The following CCDC91 variants were observed in gnomAD, a reference collection of about 807,000 sequenced individuals.
CCDC91 encodes coiled-coil domain containing 91, also known as coiled-coil domain-containing protein 91.
Under a neutral mutation model 63.2 loss-of-function variants are expected in CCDC91, and 48 were observed. That is an observed-to-expected ratio of 0.76 (90% CI 0.60 to 0.97). The LOEUF (loss-of-function observed/expected upper bound fraction) is 0.97. Ranked by LOEUF, CCDC91 falls within the 50% of genes least tolerant of loss-of-function variation. The pLI, the probability that CCDC91 is intolerant of heterozygous loss-of-function variation, is 0.00. For synonymous variants in CCDC91, 167 were observed against 165.8 expected, an observed-to-expected ratio of 1.01 and a Z score of -0.06; for missense variants, 500 against 494.6, an observed-to-expected ratio of 1.01 and a Z score of -0.10.
At chr12:28,360,363 C>G (rs1565854329) in intron 6 of CCDC91, among the ~76,000 whole-genome samples, 3 of 152,100 alleles carry the variant, frequency 2.0e-5, no homozygotes, top group Admixed American at 6.5e-5. Context: ...ATAGTTGCAG[C>G]TTAATTTTCT....
chr12:28,486,437 C>T (rs1473397987), intron 12 of CCDC91, among the ~76,000 whole-genome samples: 1 of 151,994 alleles, frequency 6.6e-6, no homozygotes, highest in Non-Finnish European at 1.5e-5. Flanking sequence ...AGTATATGGC[C>T]AATCTTTATT....
intron 12 of CCDC91, among the ~76,000 whole-genome samples, chr12:28,491,721 T>C (rs984238473): frequency 1.3e-5 from 2 of 151,846 alleles, no homozygotes; most frequent in African/African-American, 4.8e-5. Context: ...ATTTTCTAGA[T>C]TCTTGATATA....
chr12:28,243,258 T>C (rs923727868), intron 1 of CCDC91, among the ~76,000 whole-genome samples: 3 of 152,012 alleles, frequency 2.0e-5, no homozygotes, highest in Non-Finnish European at 4.4e-5. Context: ...AGCTGTCCCA[T>C]AGGGAAGTGG....
intron 2 of CCDC91, 149 bp downstream of exon 2, chr12:28,257,394 A>G (rs1448505859): frequency 3.5e-6 from 2 of 574,622 alleles, no homozygotes; most frequent in Non-Finnish European, 6.1e-6. Context: ...TGAAATCAAG[A>G]AAAATAAAAA....
intron 1 of CCDC91, among the ~76,000 whole-genome samples, chr12:28,224,679 G>A (rs1252096227): frequency 5.9e-5 from 9 of 152,158 alleles, no homozygotes; most frequent in Non-Finnish European, 1.0e-4. Flanking sequence ...ATGAACTTGG[G>A]TTTAAAGAGA....
intron 6 of CCDC91, among the ~76,000 whole-genome samples, chr12:28,331,873 C>T (rs2137696038): frequency 6.6e-6 from 1 of 152,124 alleles, no homozygotes; most frequent in Middle Eastern, 3.4e-3. Context: ...AGAAATGGTT[C>T]CTACTCTTAA....
chr12:28,316,586 ATTC>A (rs1250499602), intron 6 of CCDC91, among the ~76,000 whole-genome samples: 1 of 47,114 alleles, frequency 2.1e-5, no homozygotes, highest in African/African-American at 8.3e-5. Context: ...TTTTTTTGCT[ATTC>A]TTTTATTTTC....
intron 3 of CCDC91, among the ~76,000 whole-genome samples, chr12:28,291,176 T>C (rs1297043561): frequency 6.6e-6 from 1 of 152,228 alleles, no homozygotes; most frequent in Non-Finnish European, 1.5e-5. Context: ...TAAAAATCCA[T>C]GCTTCAGGAT....
intron 8 of CCDC91, 139 bp from the exon 9 acceptor site, chr12:28,450,014 TCCTGAACC>T: frequency 2.0e-6 from 1 of 501,434 alleles, no homozygotes; most frequent in Non-Finnish European, 3.6e-6. Flanking sequence ...TGTTTTTTTC[TCCTGAACC>T]TTCGTTTTAG....
Position 28,440,263 on chromosome 12 carries a change from T to G in CCDC91, c.763-9898T>G, listed in dbSNP as rs1170170241. Among the ~76,000 whole-genome samples, 7 of 152,330 alleles carry G rather than the reference T, an allele frequency of 4.6e-5. No homozygotes were observed. The East Asian group carries it at 9.6e-4, about 21-fold the overall frequency. ...GGAATAATAGTGAAGCTGTATGGCC[T>G]GTTTTGTTTCTCCCATATTGCCTCA... is the stretch of plus-strand genomic sequence containing the variant. On this transcript the variant is annotated intron_variant, in intron 8 of 12. Coordinates refer to ENST00000536442, the MANE Select transcript of CCDC91 (RefSeq NM_018318.5).
At chr12:28,415,969 G>GTTT (rs71039895) in intron 8 of CCDC91, among the ~76,000 whole-genome samples, 1 of 148,608 alleles carries the variant, frequency 6.7e-6, no homozygotes, top group South Asian at 2.1e-4. Context: ...TGAGGAATGT[G>GTTT]TTTTTTTTTT....
At chr12:28,482,112 A>G (rs1380676066) in intron 11 of CCDC91, among the ~76,000 whole-genome samples, 1 of 151,994 alleles carries the variant, frequency 6.6e-6, no homozygotes, top group Non-Finnish European at 1.5e-5. Context: ...TAATTGACTC[A>G]TATAATGTGA....
intron 1 of CCDC91, among the ~76,000 whole-genome samples, chr12:28,193,098 G>A (rs1369453518): frequency 1.3e-5 from 2 of 152,178 alleles, no homozygotes; most frequent in East Asian, 3.9e-4. Context: ...CAGCTGAGTA[G>A]TATTTCATTG....
intron 8 of CCDC91, among the ~76,000 whole-genome samples, chr12:28,431,136 A>C (rs1431257351): frequency 6.6e-6 from 1 of 152,162 alleles, no homozygotes; most frequent in East Asian, 1.9e-4. Flanking sequence ...ATTCTTTGAA[A>C]TGTGATAATG....
At chr12:28,330,954 A>T (rs1420807148) in intron 6 of CCDC91, among the ~76,000 whole-genome samples, 1 of 152,208 alleles carries the variant, frequency 6.6e-6, no homozygotes, top group Admixed American at 6.5e-5. Context: ...GATTGTCATC[A>T]CAAGTAAGGA....
At chr12:28,442,071 A>G (rs1949255056) in intron 8 of CCDC91, among the ~76,000 whole-genome samples, 1 of 152,020 alleles carries the variant, frequency 6.6e-6, no homozygotes, top group Non-Finnish European at 1.5e-5. Flanking sequence ...AGGTGTAGAG[A>G]GTTCCATTAT....
chr12:28,268,141 G>T (rs963041785), intron 3 of CCDC91, among the ~76,000 whole-genome samples: 3 of 150,584 alleles, frequency 2.0e-5, no homozygotes, highest in African/African-American at 7.4e-5. Flanking sequence ...TTGGCTCACT[G>T]CAACCTCTGC....
At chr12:28,464,948 G>T (rs566854779) in intron 11 of CCDC91, among the ~76,000 whole-genome samples, 37 of 152,284 alleles carry the variant, frequency 2.4e-4, no homozygotes, top group Admixed American at 3.9e-4. Flanking sequence ...CTGGGCCAGA[G>T]GAGGAGTTCA....
intron 2 of CCDC91, among the ~76,000 whole-genome samples, chr12:28,258,765 C>T (rs763640312): frequency 9.2e-5 from 14 of 151,922 alleles, no homozygotes. Flanking sequence ...TTGCTGTGAC[C>T]TGGGCATCTA....
Sources: gnomAD v4.1 joint callset for allele counts (sites outside exome capture counted in the v4.1 genomes callset) on GRCh38, gnomAD v4.1.1 for gene constraint, MANE v1.5 for transcripts, NCBI Gene and HGNC (gene_info 2026-07-23, HGNC 2026-07-21) for gene names.